SEC22A: variants seen among roughly 807,000 people sequenced by gnomAD.
The protein encoded by SEC22A is SEC22 homolog A, vesicle trafficking protein.
A neutral mutation model predicts 35.3 loss-of-function variants in SEC22A; 22 were observed. That is an observed-to-expected ratio of 0.62 (90% CI 0.45 to 0.89). SEC22A has a LOEUF of 0.89. SEC22A is among the 40% of genes least tolerant of loss of function. The pLI is 0.00. For synonymous variants in SEC22A, 119 were observed against 129.5 expected (o/e 0.92, Z 0.55); for missense variants, 354 against 362.5 (o/e 0.98, Z 0.19).
chr3:123,203,085 T>G (rs1936783029), intron 1 of SEC22A, among the ~76,000 whole-genome samples: 2 of 129,762 alleles, frequency 1.5e-5, no homozygotes, highest in Non-Finnish European at 3.2e-5. Flanking sequence ...TTTTTTTTTT[T>G]TTGCGTGCAA....
At chr3:123,215,966 G>A (rs1478556680) in intron 2 of SEC22A, among the ~76,000 whole-genome samples, 1 of 152,214 alleles carries the variant, frequency 6.6e-6, no homozygotes, top group Non-Finnish European at 1.5e-5. Context: ...GGGAGAGGGT[G>A]TGGCAGGGAA....
intron 2 of SEC22A, among the ~76,000 whole-genome samples, chr3:123,221,221 A>C (rs892371349): frequency 2.0e-5 from 3 of 151,852 alleles, no homozygotes; most frequent in Non-Finnish European, 4.4e-5. Context: ...CTGTAATCCC[A>C]CCACTTTGGG....
intron 5 of SEC22A, among the ~76,000 whole-genome samples, chr3:123,248,991 G>A (rs539933770): frequency 6.6e-6 from 1 of 152,168 alleles, no homozygotes; most frequent in Admixed American, 6.5e-5. Flanking sequence ...TCAGATGCTA[G>A]TTGCAAGTTC....
chr3:123,261,854 TA>T (rs1232137262), intron 6 of SEC22A, among the ~76,000 whole-genome samples: 1 of 152,200 alleles, frequency 6.6e-6, no homozygotes, highest in African/African-American at 2.4e-5. Flanking sequence ...AGGCTATAGA[TA>T]GGCATACCTC....
intron 2 of SEC22A, among the ~76,000 whole-genome samples, chr3:123,217,252 C>T (rs1937043967): frequency 1.3e-5 from 2 of 151,614 alleles, no homozygotes; most frequent in African/African-American, 4.8e-5. Context: ...GGCTGGAGTG[C>T]AATGGCACGA....
chr3:123,240,812 TA>T (rs891238282), intron 4 of SEC22A, among the ~76,000 whole-genome samples: 6 of 149,486 alleles, frequency 4.0e-5, no homozygotes, highest in East Asian at 3.9e-4. Flanking sequence ...TGTTGTGCTT[TA>T]AAAAAAAAAC....
chr3:123,236,798 G>T (rs1451819710), intron 4 of SEC22A, among the ~76,000 whole-genome samples: 1 of 150,802 alleles, frequency 6.6e-6, no homozygotes, highest in Non-Finnish European at 1.5e-5. Context: ...CATGAACATA[G>T]ACCATAAGAA....
In SEC22A at chr3:123,219,447, T is replaced by C. The variant is rs1406842671; in HGVS notation, c.183-4112T>C. The stretch of plus-strand genomic sequence containing the variant: ...TACTACATGGAAGTTGGTATTGTAT[T>C]GTGGAAAGAATGTGGGCCTTGGAAT... On this transcript the variant is annotated intron_variant, in intron 2 of 6. Transcript: ENST00000492595. Among the ~76,000 whole-genome samples, 5 of 152,244 alleles carry C rather than the reference T, an allele frequency of 3.3e-5. No individual in the cohort carries two copies. The East Asian group carries it at 5.8e-4, about 18-fold the overall frequency.
At chr3:123,219,356 G>A (rs976833063) in intron 2 of SEC22A, among the ~76,000 whole-genome samples, 1 of 152,166 alleles carries the variant, frequency 6.6e-6, no homozygotes, top group East Asian at 1.9e-4. Flanking sequence ...GAATAAAATA[G>A]AGATTGATTT....
intron 6 of SEC22A, among the ~76,000 whole-genome samples, chr3:123,263,592 C>T (rs1380365835): frequency 6.7e-6 from 1 of 149,092 alleles, no homozygotes; most frequent in Non-Finnish European, 1.5e-5. Flanking sequence ...TCTTGGCTCA[C>T]TGCAATCTCC....
chr3:123,205,209 C>A (rs979446225), intron 1 of SEC22A, among the ~76,000 whole-genome samples: 1 of 152,172 alleles, frequency 6.6e-6, no homozygotes. Flanking sequence ...CCCCGTTTGT[C>A]AGGCTTAAAT....
chr3:123,234,384 A>G (rs892612241), intron 4 of SEC22A, among the ~76,000 whole-genome samples: 18 of 152,310 alleles, frequency 1.2e-4, no homozygotes, highest in African/African-American at 3.8e-4. Context: ...TTACCAACCT[A>G]CAATTATCAT....
intron 5 of SEC22A, among the ~76,000 whole-genome samples, chr3:123,255,651 T>C (rs1365001081): frequency 6.6e-6 from 1 of 152,190 alleles, no homozygotes; most frequent in Non-Finnish European, 1.5e-5. Context: ...TATGCAATTA[T>C]TCTTTTAAAA....
chr3:123,218,258 G>T (rs1373859082), intron 2 of SEC22A, among the ~76,000 whole-genome samples: 4 of 151,974 alleles, frequency 2.6e-5, no homozygotes, highest in Non-Finnish European at 5.9e-5. Context: ...GTGCCAGGGA[G>T]GAGAACCAAA....
chr3:123,266,560 C>T lies in SEC22A; in HGVS notation c.724-4962C>T, dbSNP rs547685133. ...ACCTATGGATTATTTAGAATTGCAT[C>T]GTTTCACTTCTAAATGTTTGAAGAT... On this transcript the variant is annotated intron_variant, in intron 6 of 6. Coordinates refer to ENST00000492595, the MANE Select transcript of SEC22A (RefSeq NM_012430.5). Among the ~76,000 whole-genome samples, 9 of 152,118 alleles carry T rather than the reference C, an allele frequency of 5.9e-5. No individual in the cohort carries two copies. In the South Asian group the frequency reaches 1.5e-3, roughly 25 times the overall value.
chr3:123,215,326 A>G (rs995142664), intron 2 of SEC22A, among the ~76,000 whole-genome samples: 1 of 152,180 alleles, frequency 6.6e-6, no homozygotes, highest in Non-Finnish European at 1.5e-5. Context: ...TGAAAGCACT[A>G]CACAGACAGC....
intron 4 of SEC22A, among the ~76,000 whole-genome samples, chr3:123,230,407 T>C (rs910576524): frequency 6.6e-6 from 1 of 152,100 alleles, no homozygotes; most frequent in Non-Finnish European, 1.5e-5. Flanking sequence ...AAACATATAA[T>C]TACTATCCTT....
intron 2 of SEC22A, among the ~76,000 whole-genome samples, chr3:123,212,049 T>A (rs1478771705): frequency 6.6e-6 from 1 of 152,048 alleles, no homozygotes; most frequent in Non-Finnish European, 1.5e-5. Context: ...CAAGACCCTG[T>A]CTCAAAAAAT....
chr3:123,248,668 T>G (rs1310895946), intron 5 of SEC22A, among the ~76,000 whole-genome samples: 1 of 152,254 alleles, frequency 6.6e-6, no homozygotes. Flanking sequence ...CAACTTGGTC[T>G]ATAGATTCAA....
Sources: allele counts gnomAD v4.1 joint callset (sites outside exome capture counted in the v4.1 genomes callset), GRCh38; gene constraint gnomAD v4.1.1; transcripts MANE v1.5; gene names NCBI Gene and HGNC (gene_info 2026-07-23, HGNC 2026-07-21).